The following SLIT3 variants were observed in gnomAD, a reference collection of about 807,000 sequenced individuals.
SLIT3 encodes slit guidance ligand 3.
Under a neutral mutation model 184.0 loss-of-function variants are expected in SLIT3, and 68 were observed. The observed-to-expected ratio is 0.37, with a 90% CI of 0.30 to 0.45. The LOEUF (loss-of-function observed/expected upper bound fraction) is 0.45, where lower values mean the gene tolerates loss of function less well. Ranked by LOEUF, SLIT3 falls within the 20% of genes least tolerant of loss-of-function variation. The pLI, the probability that SLIT3 is intolerant of heterozygous loss-of-function variation, is 1.00. For synonymous variants in SLIT3, 831 were observed against 828.6 expected (o/e 1.00, Z -0.05); for missense variants, 1,707 against 2,026.0 (o/e 0.84, Z 3.02).
At chr5:168,982,676 C>T (rs1333204875) in intron 4 of SLIT3, among the ~76,000 whole-genome samples, 1 of 152,168 alleles carries the variant, frequency 6.6e-6, no homozygotes, top group Admixed American at 6.6e-5. Context: ...TAGGTTTGGG[C>T]CTGTGACTCA....
chr5:168,827,431 C>A (rs189104732), intron 6 of SLIT3, among the ~76,000 whole-genome samples: 1 of 152,166 alleles, frequency 6.6e-6, no homozygotes, highest in South Asian at 2.1e-4. Flanking sequence ...TGTTACTCAA[C>A]GATTTTTTAA....
At chr5:169,176,144 CTCT>C (rs1762977289) in intron 4 of SLIT3, among the ~76,000 whole-genome samples, 1 of 152,196 alleles carries the variant, frequency 6.6e-6, no homozygotes, top group Non-Finnish European at 1.5e-5. Context: ...TCCTCCACTC[CTCT>C]TCTTGCTTTC....
At chr5:168,731,447 A>G (rs1285271773) in intron 20 of SLIT3, among the ~76,000 whole-genome samples, 1 of 152,104 alleles carries the variant, frequency 6.6e-6, no homozygotes, top group Non-Finnish European at 1.5e-5. Flanking sequence ...TCCCTTACTC[A>G]TTCTATGAGG....
chr5:168,759,495 G>A (rs1219356510), intron 16 of SLIT3, among the ~76,000 whole-genome samples: 6 of 152,084 alleles, frequency 3.9e-5, no homozygotes, highest in South Asian at 2.1e-4. Flanking sequence ...ACAGCCCTTC[G>A]GCAGTATGTC....
intron 4 of SLIT3, among the ~76,000 whole-genome samples, chr5:169,118,698 G>A (rs1205492104): frequency 1.3e-5 from 2 of 152,170 alleles, no homozygotes; most frequent in Non-Finnish European, 2.9e-5. Context: ...GTTACAAGGA[G>A]TGGTACTGCC....
chr5:168,782,254 C>A lies in SLIT3; in HGVS notation c.1151+3653G>T, dbSNP rs144800263. ...AAGACAGTCTGGTTTGGTTTAAGAC[C>A]ACCTGGAGCGGGTTTAAAAGCTTCC... On this transcript the variant is annotated intron_variant, in intron 12 of 35. Coordinates refer to ENST00000519560, the MANE Select transcript of SLIT3 (RefSeq NM_003062.4). 8.5e-5 allele frequency among the ~76,000 whole-genome samples: 13 copies of A among 152,220 alleles called. No individual in the cohort carries two copies. In the East Asian group the frequency reaches 2.5e-3, roughly 29 times the overall value.
chr5:168,932,692 C>T (rs1399459019), intron 4 of SLIT3, among the ~76,000 whole-genome samples: 2 of 152,180 alleles, frequency 1.3e-5, no homozygotes, highest in African/African-American at 2.4e-5. Context: ...GCTGTGAAAC[C>T]CTGGCCAAAT....
At chr5:168,680,377 A>T (rs992063514) in intron 32 of SLIT3, among the ~76,000 whole-genome samples, 2 of 152,122 alleles carry the variant, frequency 1.3e-5, no homozygotes, top group Non-Finnish European at 2.9e-5. Context: ...ACCATTTGTG[A>T]TTATGGCTGT....
intron 4 of SLIT3, among the ~76,000 whole-genome samples, chr5:169,109,146 T>C (rs1207358837): frequency 6.6e-6 from 1 of 152,338 alleles, no homozygotes; most frequent in African/African-American, 2.4e-5. Context: ...TTACATTATG[T>C]TATATGGCAA....
Position 168,662,590 on chromosome 5 carries a change from A to C in SLIT3, c.*3864T>G, listed in dbSNP as rs1760903091. 1.3e-5 allele frequency: 2 copies of C among 152,342 alleles called. No homozygotes were observed. The highest frequency in any genetic ancestry group is 2.1e-4 in the South Asian group (1 of 4,830). 9.4% of individuals were successfully genotyped at this position (152,342 alleles called of 1,614,324 possible). A position where few individuals can be genotyped will look rare whatever the true frequency, so the allele number is the denominator to read the frequency against. ...TGTCTTCTAACAAGGGCCTTTTGGC[A>C]TGTCCATAACAGCAACAACAACAGT... On this transcript the variant is annotated 3_prime_UTR_variant, in exon 36 of 36. Coordinates refer to ENST00000519560, the MANE Select transcript of SLIT3 (RefSeq NM_003062.4).
At chr5:168,929,406 G>A (rs1223239870) in intron 4 of SLIT3, among the ~76,000 whole-genome samples, 1 of 152,156 alleles carries the variant, frequency 6.6e-6, no homozygotes. Flanking sequence ...AATCCAATGA[G>A]TAGTTGCTAT....
intron 4 of SLIT3, among the ~76,000 whole-genome samples, chr5:168,897,897 C>A: frequency 2.0e-5 from 1 of 49,358 alleles, no homozygotes; most frequent in African/African-American, 4.9e-5. Flanking sequence ...TCTGAGACAC[C>A]CCCCCACCTT....
intron 4 of SLIT3, among the ~76,000 whole-genome samples, chr5:169,192,455 G>T (rs969803805): frequency 9.3e-4 from 137 of 147,736 alleles, no homozygotes; most frequent in African/African-American, 3.2e-3. Context: ...GTGTGTGTGT[G>T]TATAGACATA....
intron 3 of SLIT3, among the ~76,000 whole-genome samples, chr5:169,197,819 A>G (rs1763786349): frequency 6.6e-6 from 1 of 152,302 alleles, no homozygotes; most frequent in East Asian, 1.9e-4. Flanking sequence ...AGGTAAAAAA[A>G]AAACCAACTG....
At chr5:168,816,948 C>T (rs1043587528) in intron 8 of SLIT3, among the ~76,000 whole-genome samples, 15 of 152,156 alleles carry the variant, frequency 9.9e-5, no homozygotes, top group Admixed American at 3.3e-4. Flanking sequence ...AGCAATGGGA[C>T]GACAGGAACA....
intron 20 of SLIT3, among the ~76,000 whole-genome samples, chr5:168,741,297 C>T (rs1438705969): frequency 1.3e-5 from 2 of 151,800 alleles, no homozygotes; most frequent in Non-Finnish European, 2.9e-5. Flanking sequence ...GGTGAAACCC[C>T]GTCTCTACTA....
intron 8 of SLIT3, among the ~76,000 whole-genome samples, chr5:168,816,402 G>T (rs1249696260): frequency 6.6e-6 from 1 of 152,078 alleles, no homozygotes; most frequent in African/African-American, 2.4e-5. Context: ...GGTCAAGCTG[G>T]TCTTGAACTC....
intron 4 of SLIT3, among the ~76,000 whole-genome samples, chr5:169,016,835 C>T (rs1756401313): frequency 6.6e-6 from 1 of 152,146 alleles, no homozygotes; most frequent in Non-Finnish European, 1.5e-5. Context: ...ACATTAGGAA[C>T]ATAGTAAATG....
intron 28 of SLIT3, 55 bp from the exon 29 acceptor site, chr5:168,692,755 CCAGAAGAT>C: frequency 3.8e-6 from 5 of 1,318,262 alleles, no homozygotes; most frequent in Non-Finnish European, 5.5e-6. Flanking sequence ...GATGCCCTGG[CCAGAAGAT>C]CAGAGTACTA....
Sources: gnomAD v4.1 joint callset for allele counts (sites outside exome capture counted in the v4.1 genomes callset) on GRCh38, gnomAD v4.1.1 for gene constraint, MANE v1.5 for transcripts, NCBI Gene and HGNC (gene_info 2026-07-23, HGNC 2026-07-21) for gene names.